The following TBC1D8B variants were observed in gnomAD, a reference collection of about 807,000 sequenced individuals.
TBC1D8B encodes the protein RP11-321G1.1.
A neutral mutation model predicts 82.9 loss-of-function variants in TBC1D8B; 75 were observed. The observed-to-expected ratio is 0.90, with a 90% CI of 0.75 to 1.10. TBC1D8B has a LOEUF of 1.10. Among genes scored for constraint, TBC1D8B ranks in the 50% least tolerant of loss-of-function variants. The probability of loss-of-function intolerance (pLI) is 0.00; values close to 1 mark genes in which losing one functional copy is unlikely to be tolerated. For missense variants in TBC1D8B, 794 were observed against 796.9 expected, an observed-to-expected ratio of 1.00 and a Z score of 0.04; for synonymous variants, 276 against 276.8, an observed-to-expected ratio of 1.00 and a Z score of 0.03.
chrX:106,811,060 A>G (rs1931354972), intron 1 of TBC1D8B, among the ~76,000 whole-genome samples: 1 of 112,467 alleles, frequency 8.9e-6, no homozygotes. Context: ...GCCATACTTT[A>G]TTTCTCAAAA....
chrX:106,829,429 A>T (rs1242411205), intron 7 of TBC1D8B: 1 of 106,017 alleles, frequency 9.4e-6, no homozygotes, highest in Non-Finnish European at 1.9e-5. Flanking sequence ...TCTTCACAGA[A>T]TTGGAAAAAA....
intron 7 of TBC1D8B, chrX:106,828,223 C>G (rs1458769896): frequency 8.8e-6 from 1 of 113,226 alleles, no homozygotes; most frequent in African/African-American, 3.2e-5. Flanking sequence ...CACATACACT[C>G]TCCCAAGACT....
chrX:106,824,761 G>A (rs974242840), intron 5 of TBC1D8B, among the ~76,000 whole-genome samples: 4 of 111,149 alleles, frequency 3.6e-5, no homozygotes, highest in African/African-American at 1.3e-4. Context: ...ATTGAAAATC[G>A]TACATATCTA....
intron 14 of TBC1D8B, among the ~76,000 whole-genome samples, chrX:106,856,582 T>G (rs2147766259): frequency 9.0e-6 from 1 of 111,071 alleles, no homozygotes. Flanking sequence ...TATTAAATAG[T>G]TTATCCTCAC....
At chrX:106,830,997 A>C (rs1250686806) in intron 7 of TBC1D8B, among the ~76,000 whole-genome samples, 2 of 110,002 alleles carry the variant, frequency 1.8e-5, no homozygotes, top group Non-Finnish European at 3.8e-5. Context: ...TAGAGAGGAC[A>C]AGGAGGATTT....
intron 14 of TBC1D8B, among the ~76,000 whole-genome samples, chrX:106,861,403 C>G (rs1264212051): frequency 1.8e-5 from 2 of 111,881 alleles, no homozygotes; most frequent in East Asian, 5.6e-4. Flanking sequence ...AATCTGAGTG[C>G]TCCTGTGTTG....
intron 10 of TBC1D8B, among the ~76,000 whole-genome samples, chrX:106,843,365 A>T (rs928911384): frequency 9.0e-6 from 1 of 111,508 alleles, no homozygotes; most frequent in African/African-American, 3.2e-5. Context: ...TTTTTTACCA[A>T]ATCTCCCCTT....
chrX:106,805,259 CT>C (rs79051070), intron 1 of TBC1D8B, among the ~76,000 whole-genome samples: 473 of 96,072 alleles, frequency 4.9e-3, no homozygotes, highest in African/African-American at 9.6e-3. Flanking sequence ...TGGCTAATTT[CT>C]TTTTTTTTTT....
At chrX:106,830,074 C>T (rs1247853108) in intron 7 of TBC1D8B, 1 of 111,717 alleles carries the variant, frequency 9.0e-6, no homozygotes, top group Non-Finnish European at 1.9e-5. Flanking sequence ...CCAGAATCTA[C>T]AATGAACTCA....
At chrX:106,812,069 G>T (rs1377716246) in intron 1 of TBC1D8B, among the ~76,000 whole-genome samples, 1 of 110,800 alleles carries the variant, frequency 9.0e-6, no homozygotes, top group East Asian at 2.8e-4. Flanking sequence ...CAGGACCAAA[G>T]AAGAATTATT....
rs181531725 is a variant in TBC1D8B, at chrX:106,854,314, G to A, written c.2352+18G>A. Reference sequence around the variant, plus strand: ...AGAATGTGGTAAGTATGCAACCAATGAGGAAAAACCAGTTGGAGTAATTTT... The same window carrying A: ...AGAATGTGGTAAGTATGCAACCAATAAGGAAAAACCAGTTGGAGTAATTTT... On this transcript the variant is annotated intron_variant, in intron 14 of 20. Transcript: ENST00000357242. 2.8e-6 allele frequency: 3 copies of A among 1,061,843 alleles called. No homozygotes were observed. The East Asian group carries it at 9.8e-5, about 35-fold the overall frequency. 87.5% of individuals were successfully genotyped at this position (1,061,843 alleles called of 1,213,427 possible). A position where few individuals can be genotyped will look rare whatever the true frequency, so the allele number is the denominator to read the frequency against.
intron 7 of TBC1D8B, among the ~76,000 whole-genome samples, chrX:106,833,837 G>A (rs1358521468): frequency 4.5e-5 from 5 of 110,942 alleles, no homozygotes; most frequent in African/African-American, 1.6e-4. Flanking sequence ...TTAAAGGAAT[G>A]TGCTGTGCTT....
chrX:106,808,232 A>T (rs1931253340), intron 1 of TBC1D8B, among the ~76,000 whole-genome samples: 1 of 111,532 alleles, frequency 9.0e-6, no homozygotes, highest in Non-Finnish European at 1.9e-5. Flanking sequence ...TATTTTATAA[A>T]GGCTTAGTTT....
intron 14 of TBC1D8B, among the ~76,000 whole-genome samples, chrX:106,861,492 T>G (rs774201460): frequency 4.5e-5 from 5 of 111,922 alleles, no homozygotes; most frequent in South Asian, 3.7e-4. Context: ...TTTGTTTTGT[T>G]TTGTTGTTGT....
chrX:106,853,239 G>A (rs928298633), intron 12 of TBC1D8B, among the ~76,000 whole-genome samples: 5 of 110,817 alleles, frequency 4.5e-5, no homozygotes, highest in Non-Finnish European at 9.5e-5. Flanking sequence ...TGTTATTGGT[G>A]TATAAGAATG....
chrX:106,872,936 C>T (rs1569279621), intron 20 of TBC1D8B, among the ~76,000 whole-genome samples: 1 of 111,080 alleles, frequency 9.0e-6, no homozygotes, highest in Non-Finnish European at 1.9e-5. Flanking sequence ...CACCATGGTA[C>T]TCAAGCCTGG....
chrX:106,850,385 A>T lies in TBC1D8B; in HGVS notation c.2123+75A>T, dbSNP rs1359846836. The T allele has an allele frequency of 3.0e-6, 3 of 1,005,525 alleles. No individual in the cohort carries two copies. In the African/African-American group the frequency reaches 5.8e-5, roughly 20 times the overall value. The allele number at this position is 1,005,525 out of a possible 1,213,427, so 82.9% of individuals were successfully genotyped here. ...TGTTGTTCAATCCCCTATTTTACAG[A>T]GGAAACTGAGCCCTAGAAATTTCAG... On this transcript the variant is annotated intron_variant, in intron 12 of 20. Coordinates refer to ENST00000357242, the MANE Select transcript of TBC1D8B (RefSeq NM_017752.3).
chrX:106,808,666 C>A (rs1931267005), intron 1 of TBC1D8B, among the ~76,000 whole-genome samples: 1 of 112,217 alleles, frequency 8.9e-6, no homozygotes, highest in Non-Finnish European at 1.9e-5. Flanking sequence ...TCGCCCAAAA[C>A]CTGGAAGTTC....
intron 7 of TBC1D8B, among the ~76,000 whole-genome samples, chrX:106,830,850 A>G (rs934500828): frequency 1.9e-5 from 2 of 106,957 alleles, no homozygotes; most frequent in African/African-American, 6.8e-5. Flanking sequence ...ATGCTAGAGG[A>G]CGTGTTAGTG....
Sources: allele counts gnomAD v4.1 joint callset (sites outside exome capture counted in the v4.1 genomes callset), GRCh38; gene constraint gnomAD v4.1.1; transcripts MANE v1.5; gene names NCBI Gene and HGNC (gene_info 2026-07-23, HGNC 2026-07-21).